Variants in IQGAP2 observed in about 807,000 individuals in gnomAD.
IQGAP2 encodes the protein ras GTPase-activating-like protein IQGAP2.
IQGAP2 carries 173 observed loss-of-function variants against 201.3 expected under a neutral mutation model. That is an observed-to-expected ratio of 0.86 (90% CI 0.76 to 0.98). The LOEUF is 0.98. Among genes scored for constraint, IQGAP2 ranks in the 50% least tolerant of loss-of-function variants. The pLI, the probability that IQGAP2 is intolerant of heterozygous loss-of-function variation, is 0.00. For missense variants in IQGAP2, 1,687 were observed against 1,864.8 expected (o/e 0.90, Z 1.76); for synonymous variants, 675 against 673.9 (o/e 1.00, Z -0.03).
chr5:76,595,768 AAGAGAGAGAGAGAGAG>A (rs142088212), intron 9 of IQGAP2, among the ~76,000 whole-genome samples: 1 of 144,188 alleles, frequency 6.9e-6, no homozygotes, highest in Admixed American at 7.0e-5. Context: ...CAAAAAAAGA[AAGAGAGAGAGAGAGAG>A]AGAGAGAGAG....
At chr5:76,489,286 G>T (rs112831325) in intron 2 of IQGAP2, among the ~76,000 whole-genome samples, 1,837 of 152,272 alleles carry the variant, frequency 0.012, 27 homozygotes, top group African/African-American at 0.041. Context: ...TGTATCTCCT[G>T]ATTACAACTC....
rs756704432 is a variant in IQGAP2, at chr5:76,677,360, G to A, written c.3660+10G>A. ...CATCAGCACACACTCAGTAAGTGGG[G>A]ATGGGGAGCCATCTTAGCAATGGAC... On this transcript the variant is annotated intron_variant, in intron 28 of 35. Transcript: ENST00000274364. 3 of 1,612,690 alleles carry A rather than the reference G, an allele frequency of 1.9e-6. No homozygotes were observed. The highest frequency in any genetic ancestry group is 1.7e-5 in the Admixed American group (1 of 59,796).
At chr5:76,661,869 T>C (rs761117498) in intron 21 of IQGAP2, among the ~76,000 whole-genome samples, 1 of 152,162 alleles carries the variant, frequency 6.6e-6, no homozygotes, top group Non-Finnish European at 1.5e-5. Flanking sequence ...TATCATAGCA[T>C]ACTACCTGCA....
At chr5:76,493,187 G>A (rs745842534) in intron 2 of IQGAP2, among the ~76,000 whole-genome samples, 7 of 151,850 alleles carry the variant, frequency 4.6e-5, no homozygotes, top group South Asian at 2.1e-4. Context: ...AAGTCAGATC[G>A]CGTCACTTCT....
chr5:76,666,797 G>A (rs762819866), intron 22 of IQGAP2, among the ~76,000 whole-genome samples: 1 of 152,186 alleles, frequency 6.6e-6, no homozygotes, highest in South Asian at 2.1e-4. Context: ...AGGCAGGAGT[G>A]CAGTGGCGCA....
chr5:76,447,740 C>G (rs1198435359), intron 1 of IQGAP2, among the ~76,000 whole-genome samples: 1 of 152,202 alleles, frequency 6.6e-6, no homozygotes, highest in African/African-American at 2.4e-5. Flanking sequence ...CAGACCTATG[C>G]AGCCCGTGGG....
At chr5:76,417,982 G>A (rs1751507340) in intron 1 of IQGAP2, among the ~76,000 whole-genome samples, 1 of 151,272 alleles carries the variant, frequency 6.6e-6, no homozygotes, top group Non-Finnish European at 1.5e-5. Flanking sequence ...GCCGAGGCAG[G>A]CAGATCATGA....
At chr5:76,508,896 T>C (rs879839265) in intron 2 of IQGAP2, among the ~76,000 whole-genome samples, 1 of 152,100 alleles carries the variant, frequency 6.6e-6, no homozygotes, top group Non-Finnish European at 1.5e-5. Flanking sequence ...AATGCAAGCA[T>C]GCATACAGCC....
At chr5:76,412,919 T>C (rs946058451) in intron 1 of IQGAP2, among the ~76,000 whole-genome samples, 3 of 152,160 alleles carry the variant, frequency 2.0e-5, no homozygotes, top group Non-Finnish European at 4.4e-5. Context: ...AAGGATTAAA[T>C]GATTTAATAG....
chr5:76,675,500 T>C (rs1410862933), intron 27 of IQGAP2, among the ~76,000 whole-genome samples: 1 of 152,272 alleles, frequency 6.6e-6, no homozygotes, highest in East Asian at 1.9e-4. Context: ...TTTAATTCTA[T>C]TGATTTTGTG....
chr5:76,475,597 C>A (rs1755369947), intron 2 of IQGAP2, among the ~76,000 whole-genome samples: 1 of 152,146 alleles, frequency 6.6e-6, no homozygotes. Context: ...TGTGGCCACA[C>A]CTGAACAGAA....
intron 2 of IQGAP2, among the ~76,000 whole-genome samples, chr5:76,484,209 AACTCAAAATAG>A: frequency 6.6e-6 from 1 of 152,276 alleles, no homozygotes; most frequent in East Asian, 1.9e-4. Flanking sequence ...AACTTCAAAG[AACTCAAAATAG>A]AGCATGTAAT....
chr5:76,455,363 G>T (rs774498920), intron 1 of IQGAP2, among the ~76,000 whole-genome samples: 2 of 148,950 alleles, frequency 1.3e-5, no homozygotes, highest in African/African-American at 2.5e-5. Flanking sequence ...TGAGTCATGA[G>T]AATCGCTTGA....
At chr5:76,581,264 C>A (rs541958035) in intron 5 of IQGAP2, among the ~76,000 whole-genome samples, 4 of 152,336 alleles carry the variant, frequency 2.6e-5, no homozygotes, top group African/African-American at 7.2e-5. Flanking sequence ...TCCCTTAGAA[C>A]CTTTTCCTTC....
chr5:76,662,833 T>TA (rs1486568556), intron 21 of IQGAP2, among the ~76,000 whole-genome samples: 4 of 152,174 alleles, frequency 2.6e-5, no homozygotes, highest in Admixed American at 6.5e-5. Context: ...GTTGCTTTTT[T>TA]AAAAATGTTA....
chr5:76,495,456 G>A (rs1189287223), intron 2 of IQGAP2, among the ~76,000 whole-genome samples: 4 of 152,208 alleles, frequency 2.6e-5, no homozygotes, highest in African/African-American at 9.6e-5. Flanking sequence ...GCCTTGCTGG[G>A]CTGCCAGGGA....
rs1166746698 is a variant in IQGAP2, at chr5:76,590,538, A to C, written c.771A>C (p.Lys257Asn). 6.2e-7 allele frequency: 1 copy of C among 1,612,924 alleles called. No homozygotes were observed. Among genetic ancestry groups the C allele is most frequent in the Non-Finnish European group, 8.5e-7 (1 of 1,179,710 alleles). The change falls in exon 8 of 36, where the codon AAA becomes AAC. Residue 257 changes from lysine (K) to asparagine (N), a missense_variant. Lys to Asn is a moderately conservative substitution (Grantham distance 94, BLOSUM62 0). Coordinates refer to ENST00000274364, the MANE Select transcript of IQGAP2 (RefSeq NM_006633.5). ...ACAACCTTGCACCAGAATATCAGAA[A>C]GAACTCTGGGATGCCAAAAAGAAAA... ...VDDNLAPEYQ[K>N]ELWDAKKKKE... is the part of the protein sequence containing the mutation.
chr5:76,617,583 T>C, intron 13 of IQGAP2: 1 of 1,602,916 alleles, frequency 6.2e-7, no homozygotes, highest in Non-Finnish European at 8.5e-7. Context: ...ATCATTTCAC[T>C]ATTTTGTAAG....
chr5:76,510,399 G>T, intron 2 of IQGAP2: 1 of 210,428 alleles, frequency 4.8e-6, no homozygotes, highest in South Asian at 6.1e-5. Context: ...TTTCTTGGGG[G>T]ATGCAGTGAT....
Sources: gnomAD v4.1 joint callset for allele counts (sites outside exome capture counted in the v4.1 genomes callset) on GRCh38, gnomAD v4.1.1 for gene constraint, MANE v1.5 for transcripts, NCBI Gene and HGNC (gene_info 2026-07-23, HGNC 2026-07-21) for gene names.